Variants in ATP2C2 observed in about 807,000 individuals in gnomAD.
The protein encoded by ATP2C2 is calcium-transporting ATPase type 2C member 2.
In ATP2C2, 171 loss-of-function variants were observed where a neutral mutation model predicts 110.8. The observed-to-expected ratio is 1.54, with a 90% confidence interval of 1.36 to 1.75. The LOEUF (loss-of-function observed/expected upper bound fraction) is 1.75, where lower values mean the gene tolerates loss of function less well. ATP2C2 is among the 40% of genes most tolerant of loss of function. The probability of loss-of-function intolerance (pLI) is 0.00; values close to 1 mark genes in which losing one functional copy is unlikely to be tolerated. For missense variants in ATP2C2, 1,963 were observed against 1,235.0 expected, an observed-to-expected ratio of 1.59 and a Z score of -8.84; for synonymous variants, 804 against 508.4, an observed-to-expected ratio of 1.58 and a Z score of -7.82.
At chr16:84,381,467 C>T (rs1396743742) in intron 1 of ATP2C2, among the ~76,000 whole-genome samples, 2 of 152,154 alleles carry the variant, frequency 1.3e-5, no homozygotes, top group Non-Finnish European at 2.9e-5. Flanking sequence ...ATCCCAGCTA[C>T]TCAGGAGGCT....
At chr16:84,453,576 C>T (rs117176800) in intron 20 of ATP2C2, among the ~76,000 whole-genome samples, 6,306 of 152,258 alleles carry the variant, frequency 0.041, 167 homozygotes, top group Middle Eastern at 0.092. Context: ...GGGCAGCTCC[C>T]TTGGAGAGGA....
In ATP2C2 at chr16:84,462,113, G is replaced by C. The variant is rs779716089; in HGVS notation, c.2706G>C (p.Glu902Asp). The C allele has an allele frequency of 6.2e-7, 1 of 1,613,474 alleles. No individual in the cohort carries two copies. Among genetic ancestry groups the C allele is most frequent in the Non-Finnish European group, 8.5e-7 (1 of 1,179,716 alleles). ...IPPLQRVFQTENLGALDLLFL... is the reference protein window; with the variant it reads ...IPPLQRVFQTDNLGALDLLFL... The stretch of plus-strand genomic sequence containing the variant: ...CGCTGCAGAGGGTCTTCCAGACGGA[G>C]AACCTGGGAGCGCTTGGTGAGTGGT... The change falls in exon 26 of 27, where the codon GAG (glutamate) becomes GAC (aspartate). Residue 902 changes from glutamate to aspartate, a missense_variant. By Grantham distance (45) the Glu-to-Asp change is conservative. Coordinates refer to ENST00000262429, the MANE Select transcript of ATP2C2 (RefSeq NM_014861.4).
At chr16:84,377,858 C>G (rs189023583) in intron 1 of ATP2C2, among the ~76,000 whole-genome samples, 1 of 152,078 alleles carries the variant, frequency 6.6e-6, no homozygotes, top group African/African-American at 2.4e-5. Context: ...GAGGCTGCAG[C>G]CCCTCTGGAA....
chr16:84,427,470 C>T (rs544325360), intron 11 of ATP2C2, among the ~76,000 whole-genome samples: 12 of 152,244 alleles, frequency 7.9e-5, no homozygotes, highest in South Asian at 4.2e-4. Context: ...GTAATCCTAG[C>T]GCTTTGGGAG....
intron 1 of ATP2C2, among the ~76,000 whole-genome samples, chr16:84,381,408 C>T (rs184621209): frequency 2.0e-5 from 3 of 152,130 alleles, no homozygotes; most frequent in African/African-American, 4.8e-5. Context: ...GAAACCTCAT[C>T]TCTACTAAAA....
chr16:84,427,543 C>A (rs779653563), intron 11 of ATP2C2, among the ~76,000 whole-genome samples: 1 of 152,052 alleles, frequency 6.6e-6, no homozygotes, highest in Admixed American at 6.5e-5. Flanking sequence ...ATGGTGAAAC[C>A]CTGTCTCTAC....
rs528372750 is a variant in ATP2C2 at position 84,409,300 on chromosome 16, A to G, written c.417+806A>G. The stretch of plus-strand genomic sequence containing the variant: ...AACATCACACACTCGGGCCTTTCAT[A>G]GGGTCAGGGGGCTGGGGGAGGGATA... On this transcript the variant is annotated intron_variant, in intron 4 of 26. Transcript: ENST00000262429. Among the ~76,000 whole-genome samples the G allele has an allele frequency of 7.9e-5, 12 of 152,258 alleles. No individual in the cohort carries two copies. The East Asian group carries it at 1.5e-3, about 20-fold the overall frequency.
Position 84,451,912 on chromosome 16 carries a change from TCTC to T in ATP2C2, c.1661-5_1661-3del. On this transcript the variant is annotated splice_polypyrimidine_tract_variant and splice_region_variant and intron_variant, in intron 17 of 26. Transcript: ENST00000262429. Reference sequence around the variant, plus strand: ...CGGTGACCCCTCCTTACTCCCCCTCTCTCCTCAGTGCTGGCCCTGGCTTCTGGG... The same window carrying T: ...CGGTGACCCCTCCTTACTCCCCCTCTCTCAGTGCTGGCCCTGGCTTCTGGG... 6.2e-7 allele frequency: 1 copy of T among 1,609,734 alleles called. No homozygotes were observed. The highest frequency in any genetic ancestry group is 8.5e-7 in the Non-Finnish European group (1 of 1,178,746).
intron 2 of ATP2C2, chr16:84,404,575 A>G (rs1905583346): frequency 8.3e-6 from 2 of 242,038 alleles, no homozygotes; most frequent in Non-Finnish European, 1.6e-5. Flanking sequence ...TGTGTACACC[A>G]TGTTTCATGC....
chr16:84,460,882 C>G, intron 24 of ATP2C2, 81 bp downstream of exon 24: 5 of 1,490,636 alleles, frequency 3.4e-6, no homozygotes, highest in South Asian at 1.3e-5. Flanking sequence ...GCCCTCCTGC[C>G]ACAGCTCACA....
chr16:84,375,849 TAG>T (rs1437871984), intron 1 of ATP2C2, among the ~76,000 whole-genome samples: 1 of 151,324 alleles, frequency 6.6e-6, no homozygotes, highest in Non-Finnish European at 1.5e-5. Context: ...TTTAATTTTG[TAG>T]ACAGAAAAAA....
chr16:84,424,211 A>T (rs1255967243), intron 10 of ATP2C2, among the ~76,000 whole-genome samples: 1 of 152,224 alleles, frequency 6.6e-6, no homozygotes, highest in Non-Finnish European at 1.5e-5. Context: ...ATGTAAGCCC[A>T]TGTTTCTTAA....
chr16:84,461,642 C>A (rs1446099027), intron 24 of ATP2C2, 72 bp from the exon 25 acceptor site: 10 of 1,364,510 alleles, frequency 7.3e-6, no homozygotes, highest in Non-Finnish European at 8.4e-6. Flanking sequence ...GTGAGGCAGG[C>A]CTGTGCCCTT....
At chr16:84,459,605 C>T in intron 23 of ATP2C2, 3 of 1,533,214 alleles carry the variant, frequency 2.0e-6, no homozygotes, top group Middle Eastern at 1.8e-4. Flanking sequence ...GAGGATGGAA[C>T]TTTCTGCTCC....
At chr16:84,409,396 C>T (rs1906069591) in intron 4 of ATP2C2, among the ~76,000 whole-genome samples, 2 of 152,196 alleles carry the variant, frequency 1.3e-5, no homozygotes, top group Non-Finnish European at 2.9e-5. Context: ...ATATGTATAC[C>T]TATGTAACAA....
Position 84,430,379 on chromosome 16 carries a change from G to A in ATP2C2, c.986+4578G>A, listed in dbSNP as rs149685585. On this transcript the variant is annotated intron_variant, in intron 11 of 26. Coordinates refer to ENST00000262429, the MANE Select transcript of ATP2C2 (RefSeq NM_014861.4). ...TTCTGGGCCGGGTGCGGTGGCTCAC[G>A]TCTGTAATCCCAGCACTTTTGGACA... Among the ~76,000 whole-genome samples, 500 of 152,274 alleles carry A rather than the reference G, an allele frequency of 3.3e-3. 4 individuals carry two copies. The highest frequency in any genetic ancestry group is 6.3e-3 in the African/African-American group (260 of 41,546).
Position 84,415,007 on chromosome 16 carries a change from C to T in ATP2C2, c.516-476C>T, listed in dbSNP as rs368701306. On this transcript the variant is annotated intron_variant, in intron 6 of 26. Transcript: ENST00000262429. ...TGGGGGATTCCATTTGGAGCCTGTA[C>T]GGAAGCATATCCGTAGTCTGAGGGC... Among the ~76,000 whole-genome samples, 42 of 152,182 alleles carry T rather than the reference C, an allele frequency of 2.8e-4. No homozygotes were observed. In the South Asian group the frequency reaches 5.4e-3, roughly 20 times the overall value.
intron 11 of ATP2C2, among the ~76,000 whole-genome samples, chr16:84,428,466 T>C (rs1337857905): frequency 6.6e-6 from 1 of 152,232 alleles, no homozygotes; most frequent in Non-Finnish European, 1.5e-5. Flanking sequence ...GAATTGGAAA[T>C]ACTGTGTCTG....
intron 11 of ATP2C2, among the ~76,000 whole-genome samples, chr16:84,426,864 G>A (rs1021284721): frequency 3.9e-5 from 6 of 152,162 alleles, no homozygotes; most frequent in African/African-American, 1.2e-4. Context: ...CTTCTTCTAC[G>A]TAGTGATTCA....
Sources: gnomAD v4.1 joint callset for allele counts (sites outside exome capture counted in the v4.1 genomes callset) on GRCh38, gnomAD v4.1.1 for gene constraint, MANE v1.5 for transcripts, NCBI Gene and HGNC (gene_info 2026-07-23, HGNC 2026-07-21) for gene names.